The following CPQ variants were observed in gnomAD, a reference collection of about 807,000 sequenced individuals.
CPQ encodes carboxypeptidase Q.
CPQ carries 37 observed loss-of-function variants against 45.7 expected under a neutral mutation model. The observed-to-expected ratio is 0.81, with a 90% CI of 0.62 to 1.07. The LOEUF is 1.07. Ranked by LOEUF, CPQ falls within the 50% of genes least tolerant of loss-of-function variation. The pLI, the probability that CPQ is intolerant of heterozygous loss-of-function variation, is 0.00. For synonymous variants in CPQ, 186 were observed against 205.8 expected (o/e 0.90, Z 0.82); for missense variants, 537 against 572.9 (o/e 0.94, Z 0.64).
At chr8:96,948,139 A>G (rs1813214917) in intron 4 of CPQ, among the ~76,000 whole-genome samples, 1 of 152,038 alleles carries the variant, frequency 6.6e-6, no homozygotes, top group East Asian at 1.9e-4. Context: ...CCACTTCCCC[A>G]TTACTAGTTT....
At chr8:96,850,903 C>T (rs758235045) in intron 3 of CPQ, among the ~76,000 whole-genome samples, 21 of 152,134 alleles carry the variant, frequency 1.4e-4, no homozygotes, top group Admixed American at 4.6e-4. Context: ...TGCACCTGGC[C>T]GCTTTTTATC....
intron 1 of CPQ, among the ~76,000 whole-genome samples, chr8:96,782,367 A>G (rs962497397): frequency 6.6e-6 from 1 of 152,254 alleles, no homozygotes; most frequent in African/African-American, 2.4e-5. Context: ...TGCTCAAGCT[A>G]TGGCTGGAGC....
chr8:97,121,695 C>T (rs1811705257), intron 7 of CPQ, among the ~76,000 whole-genome samples: 1 of 151,770 alleles, frequency 6.6e-6, no homozygotes, highest in Non-Finnish European at 1.5e-5. Flanking sequence ...AGAAGCAGAC[C>T]TAGAAATGAT....
chr8:96,942,829 A>G (rs1813141636), intron 4 of CPQ, among the ~76,000 whole-genome samples: 1 of 152,162 alleles, frequency 6.6e-6, no homozygotes, highest in East Asian at 1.9e-4. Context: ...CTGGTGCTCT[A>G]AGAGCCACAC....
chr8:96,660,392 C>A (rs560406587), intron 1 of CPQ, among the ~76,000 whole-genome samples: 2 of 152,316 alleles, frequency 1.3e-5, no homozygotes, highest in South Asian at 4.1e-4. Flanking sequence ...TACCTTAACA[C>A]CTCTTTCAAA....
chr8:96,798,944 A>C (rs1810970077), intron 2 of CPQ, among the ~76,000 whole-genome samples: 1 of 152,126 alleles, frequency 6.6e-6, no homozygotes, highest in Non-Finnish European at 1.5e-5. Flanking sequence ...GATACATATT[A>C]GATATCTGCA....
At chr8:96,714,711 C>T (rs1397134243) in intron 1 of CPQ, among the ~76,000 whole-genome samples, 1 of 151,942 alleles carries the variant, frequency 6.6e-6, no homozygotes, top group East Asian at 1.9e-4. Context: ...TGTTATAGAA[C>T]CCTGTTTCGT....
intron 1 of CPQ, among the ~76,000 whole-genome samples, chr8:96,698,127 C>T (rs1340436127): frequency 1.3e-5 from 2 of 151,988 alleles, no homozygotes; most frequent in African/African-American, 4.8e-5. Flanking sequence ...GTAACCAAAA[C>T]AGTATGGCAC....
chr8:96,914,990 G>C (rs1322184773), intron 4 of CPQ, among the ~76,000 whole-genome samples: 1 of 152,122 alleles, frequency 6.6e-6, no homozygotes, highest in Non-Finnish European at 1.5e-5. Context: ...TAATCAGAGG[G>C]AAATCTTCTA....
chr8:96,833,830 T>G (rs543353649), intron 2 of CPQ, among the ~76,000 whole-genome samples: 2 of 152,300 alleles, frequency 1.3e-5, no homozygotes, highest in East Asian at 3.9e-4. Context: ...AAGGGCCCAT[T>G]ATGATGAGGC....
chr8:96,684,209 G>A (rs371948766), intron 1 of CPQ, among the ~76,000 whole-genome samples: 163 of 152,274 alleles, frequency 1.1e-3, no homozygotes, highest in African/African-American at 3.7e-3. Flanking sequence ...ACTTTTTCCT[G>A]TAGATAATCT....
intron 4 of CPQ, among the ~76,000 whole-genome samples, chr8:96,903,796 A>C (rs1407290696): frequency 2.0e-5 from 3 of 152,174 alleles, no homozygotes; most frequent in African/African-American, 7.2e-5. Context: ...GTTCCTTATC[A>C]AAGGAAGTTA....
chr8:96,880,547 A>G lies in CPQ; in HGVS notation c.849+542A>G, dbSNP rs1351188086. 2.8e-3 allele frequency among the ~76,000 whole-genome samples: 74 copies of G among 25,982 alleles called. 5 individuals carry two copies. The highest frequency in any genetic ancestry group is 7.8e-3 in the African/African-American group (73 of 9,386). 17.0% of individuals were successfully genotyped at this position (25,982 alleles called of 152,430 possible). A position where few individuals can be genotyped will look rare whatever the true frequency, so the allele number is the denominator to read the frequency against. ...TATATATATATATATATATATATAT[A>G]TATATATATATATATATATATATAT... On this transcript the variant is annotated intron_variant, in intron 4 of 7. Transcript: ENST00000220763.
intron 5 of CPQ, among the ~76,000 whole-genome samples, chr8:96,979,685 G>A (rs1210436136): frequency 6.6e-6 from 1 of 152,104 alleles, no homozygotes; most frequent in Non-Finnish European, 1.5e-5. Context: ...TTTAATTGCC[G>A]TGGAACGTAA....
intron 4 of CPQ, among the ~76,000 whole-genome samples, chr8:96,933,522 AG>A (rs1813002023): frequency 6.6e-6 from 1 of 152,202 alleles, no homozygotes; most frequent in South Asian, 2.1e-4. Context: ...TGTTTAATTC[AG>A]AGGAGGAGAC....
intron 4 of CPQ, among the ~76,000 whole-genome samples, chr8:96,912,031 G>A (rs1812671342): frequency 6.6e-6 from 1 of 152,176 alleles, no homozygotes; most frequent in Admixed American, 6.5e-5. Flanking sequence ...AGCTGGTGCT[G>A]TGAGGATCGG....
chr8:96,907,936 T>G (rs1586446810), intron 4 of CPQ, among the ~76,000 whole-genome samples: 1 of 152,140 alleles, frequency 6.6e-6, no homozygotes, highest in Admixed American at 6.5e-5. Flanking sequence ...CAAATGTGAC[T>G]TTTGTCATAT....
rs547661054 is a variant in CPQ at position 96,866,448 on chromosome 8, T to G, written c.642-13350T>G. ...CTTGCAAGGCAACTAGGAAAAATAGTTTTTAAAATTATGTCTATTTTGCTA... is the reference window on the plus strand; with the variant it reads ...CTTGCAAGGCAACTAGGAAAAATAGGTTTTAAAATTATGTCTATTTTGCTA... On this transcript the variant is annotated intron_variant, in intron 3 of 7. Coordinates refer to ENST00000220763, the MANE Select transcript of CPQ (RefSeq NM_016134.4). Among the ~76,000 whole-genome samples, 9 of 152,186 alleles carry G rather than the reference T, an allele frequency of 5.9e-5. No individual in the cohort carries two copies. The East Asian group carries it at 1.7e-3, about 29-fold the overall frequency.
chr8:96,693,178 A>T lies in CPQ; in HGVS notation c.-35+47776A>T, dbSNP rs147835407. On this transcript the variant is annotated intron_variant, in intron 1 of 7. Transcript: ENST00000220763. ...AAGAAAGAATAAAAAAGATTGAAGC[A>T]TGCCTACAGGATCTAGAAAATGGCC... Among the ~76,000 whole-genome samples the T allele has an allele frequency of 8.2e-3, 1,246 of 152,090 alleles. 21 individuals are homozygous for T. The highest frequency in any genetic ancestry group is 0.028 in the African/African-American group (1,150 of 41,494).
Sources: allele counts gnomAD v4.1 joint callset (sites outside exome capture counted in the v4.1 genomes callset), GRCh38; gene constraint gnomAD v4.1.1; transcripts MANE v1.5; gene names NCBI Gene and HGNC (gene_info 2026-07-23, HGNC 2026-07-21).